Variants in EPS8 observed in about 807,000 individuals in gnomAD.
The protein encoded by EPS8 is epidermal growth factor receptor kinase substrate 8.
A neutral mutation model predicts 103.8 loss-of-function variants in EPS8; 42 were observed. The observed-to-expected ratio is 0.40, with a 90% CI of 0.32 to 0.52. EPS8 has a LOEUF of 0.52. EPS8 is among the 20% of genes least tolerant of loss of function. EPS8 has a pLI of 0.40. For synonymous variants in EPS8, 344 were observed against 344.6 expected (o/e 1.00, Z 0.02); for missense variants, 969 against 1,005.1 (o/e 0.96, Z 0.49).
chr12:15,718,429 T>C (rs545557892), intron 1 of EPS8, among the ~76,000 whole-genome samples: 16 of 152,328 alleles, frequency 1.1e-4, no homozygotes, highest in South Asian at 2.1e-4. Context: ...TTACAAATTA[T>C]TGAATAACAA....
In EPS8 at chr12:15,704,674, G is replaced by T. The variant is rs548056053; in HGVS notation, c.-21-21702C>A. On this transcript the variant is annotated intron_variant, in intron 1 of 20. Coordinates refer to ENST00000281172, the MANE Select transcript of EPS8 (RefSeq NM_004447.6). The surrounding 1 kb of genome is among the most constrained non-coding windows in gnomAD (Gnocchi z 4.6). ...ATGGTCATGATGGCTGCACAACAAT[G>T]TGAATACACTTAATGACAATAAACT... Among the ~76,000 whole-genome samples, 140 of 152,146 alleles carry T rather than the reference G, an allele frequency of 9.2e-4. No homozygotes were observed. Among genetic ancestry groups the T allele is most frequent in the Non-Finnish European group, 1.7e-3 (117 of 68,022 alleles).
At position 15,666,380 on chromosome 12, in the gene EPS8, G is replaced by C. The variant is rs1244455099; in HGVS notation, c.599+60C>G. ...TAGAAAATAATTTTTCTAACTCTTT[G>C]GGGAAAAAAGCCTTAGAAACAAATC... is the stretch of plus-strand genomic sequence containing the variant. On this transcript the variant is annotated intron_variant, in intron 7 of 20. Transcript: ENST00000281172. The C allele has an allele frequency of 3.1e-6, 4 of 1,271,320 alleles. No homozygotes were observed. The Admixed American group carries it at 7.1e-5, about 23-fold the overall frequency. The allele number at this position is 1,271,320 out of a possible 1,614,324, so 78.8% of individuals were successfully genotyped here.
At chr12:15,656,393 A>T (rs902307085) in intron 12 of EPS8, among the ~76,000 whole-genome samples, 1 of 152,192 alleles carries the variant, frequency 6.6e-6, no homozygotes, top group African/African-American at 2.4e-5. Flanking sequence ...ATATACAGCA[A>T]CAACATATAG....
In EPS8 at chr12:15,728,621, A is replaced by G. The variant is rs532789206; in HGVS notation, c.-21-45649T>C. Reference sequence around the variant, plus strand: ...GCATATATCTTTTACATGAAAATACAAGGCCTAAAATCACAGATTTTACTA... The same window carrying G: ...GCATATATCTTTTACATGAAAATACGAGGCCTAAAATCACAGATTTTACTA... On this transcript the variant is annotated intron_variant, in intron 1 of 20. Coordinates refer to ENST00000281172, the MANE Select transcript of EPS8 (RefSeq NM_004447.6). This position sits in a 1 kb window ranked among gnomAD's most constrained non-coding sequence, Gnocchi z 4.5. Among the ~76,000 whole-genome samples the G allele has an allele frequency of 3.9e-5, 6 of 152,332 alleles. No homozygotes were observed. Among genetic ancestry groups the G allele is most frequent in the Non-Finnish European group, 8.8e-5 (6 of 68,030 alleles).
chr12:15,746,701 C>T (rs1194604996), intron 1 of EPS8, among the ~76,000 whole-genome samples: 1 of 152,122 alleles, frequency 6.6e-6, no homozygotes, highest in Non-Finnish European at 1.5e-5. Flanking sequence ...TTGAGCAACT[C>T]AATTTGGTTT....
chr12:15,775,379 T>G (rs1056332111), intron 1 of EPS8, among the ~76,000 whole-genome samples: 1 of 152,116 alleles, frequency 6.6e-6, no homozygotes, highest in Non-Finnish European at 1.5e-5. Context: ...AAATTGACCT[T>G]AATAGTTTAA....
chr12:15,648,559 A>G (rs1423719117), intron 14 of EPS8, among the ~76,000 whole-genome samples: 1 of 152,206 alleles, frequency 6.6e-6, no homozygotes, highest in Non-Finnish European at 1.5e-5. Context: ...ATCTGAGCTC[A>G]ATTAATTCAG....
rs1248449403 is a variant in EPS8 at position 15,748,372 on chromosome 12, GAAAAC to G, written c.-22+40784_-22+40788del. 6.6e-6 allele frequency among the ~76,000 whole-genome samples: 1 copy of G among 151,996 alleles called. No individual in the cohort carries two copies. Among genetic ancestry groups the G allele is most frequent in the African/African-American group, 2.4e-5 (1 of 41,364 alleles). On this transcript the variant is annotated intron_variant, in intron 1 of 20. Coordinates refer to ENST00000281172, the MANE Select transcript of EPS8 (RefSeq NM_004447.6). This position sits in a 1 kb window ranked among gnomAD's most constrained non-coding sequence, Gnocchi z 4.8. Reference sequence around the variant, plus strand: ...ATTACCAAATAAATTCACCTAGTAGGAAAACTAAAGTGATGAGGATTAGAAAGGAA... The same window carrying G: ...ATTACCAAATAAATTCACCTAGTAGGTAAAGTGATGAGGATTAGAAAGGAA...
At chr12:15,662,458 CT>C in intron 8 of EPS8, 1 of 1,007,246 alleles carries the variant, frequency 9.9e-7, no homozygotes, top group Non-Finnish European at 1.2e-6. Flanking sequence ...GCTTTTACTT[CT>C]CAAAAGCTGG....
Position 15,701,740 on chromosome 12 carries a change from T to G in EPS8, c.-21-18768A>C, listed in dbSNP as rs1282934903. On this transcript the variant is annotated intron_variant, in intron 1 of 20. Transcript: ENST00000281172. The surrounding 1 kb of genome is among the most constrained non-coding windows in gnomAD (Gnocchi z 5.1). ...CACTTGTTTTTTAGTTTCGAAACAT[T>G]GGAAATATCTCACAGACCTATAAAA... Among the ~76,000 whole-genome samples the G allele has an allele frequency of 6.6e-6, 1 of 152,208 alleles. No individual in the cohort carries two copies.
chr12:15,653,837 T>C (rs1945459942), intron 13 of EPS8, among the ~76,000 whole-genome samples: 1 of 152,198 alleles, frequency 6.6e-6, no homozygotes, highest in African/African-American at 2.4e-5. Flanking sequence ...GAACCCTATG[T>C]GTACCTGTCG....
At chr12:15,627,055 A>G (rs919571756) in intron 18 of EPS8, among the ~76,000 whole-genome samples, 2 of 151,890 alleles carry the variant, frequency 1.3e-5, no homozygotes, top group Non-Finnish European at 2.9e-5. Flanking sequence ...ACTGGAGTGC[A>G]GTGGCACAAT....
intron 1 of EPS8, among the ~76,000 whole-genome samples, chr12:15,758,623 T>C (rs1489819325): frequency 6.6e-6 from 1 of 152,180 alleles, no homozygotes; most frequent in East Asian, 1.9e-4. Flanking sequence ...ACAAGATAAC[T>C]AAACGCAACA....
intron 14 of EPS8, among the ~76,000 whole-genome samples, chr12:15,650,339 A>G (rs1456727429): frequency 6.6e-6 from 1 of 152,208 alleles, no homozygotes; most frequent in East Asian, 1.9e-4. Context: ...AGAGAGGCAA[A>G]GCAACGTGAA....
At chr12:15,674,995 G>A (rs1343194458) in intron 3 of EPS8, among the ~76,000 whole-genome samples, 1 of 152,162 alleles carries the variant, frequency 6.6e-6, no homozygotes, top group Non-Finnish European at 1.5e-5. Flanking sequence ...ATTAAACAGA[G>A]AGACTAGCTC....
chr12:15,737,140 C>A (rs1277157719), intron 1 of EPS8, among the ~76,000 whole-genome samples: 2 of 149,702 alleles, frequency 1.3e-5, no homozygotes, highest in African/African-American at 4.9e-5. Context: ...TAGGTCTCTT[C>A]TTTCAAAAAG....
At chr12:15,754,169 T>C (rs1946961324) in intron 1 of EPS8, among the ~76,000 whole-genome samples, 1 of 151,488 alleles carries the variant, frequency 6.6e-6, no homozygotes, top group Non-Finnish European at 1.5e-5. Flanking sequence ...CCAAGGAAGG[T>C]GAGGAGAAGA....
chr12:15,642,227 T>C (rs1945244295), intron 15 of EPS8, among the ~76,000 whole-genome samples: 1 of 152,078 alleles, frequency 6.6e-6, no homozygotes, highest in Admixed American at 6.5e-5. Flanking sequence ...ATTTCCATAG[T>C]GGTAATTTTA....
At chr12:15,661,883 T>A (rs1439183805) in intron 9 of EPS8, 143 bp downstream of exon 9, 1 of 598,712 alleles carries the variant, frequency 1.7e-6, no homozygotes, top group African/African-American at 1.8e-5. Context: ...AAAGGGCAAA[T>A]TCAAAGGGCA....
Sources: allele counts gnomAD v4.1 joint callset (sites outside exome capture counted in the v4.1 genomes callset), GRCh38; gene constraint gnomAD v4.1.1; non-coding constraint Gnocchi (gnomAD v3.1); transcripts MANE v1.5; gene names NCBI Gene and HGNC (gene_info 2026-07-23, HGNC 2026-07-21).